Variants in ARSB observed in about 807,000 individuals in gnomAD.
The protein encoded by ARSB is arylsulfatase B, also known as N-acetylgalactosamine-4-sulfatase.
A neutral mutation model predicts 50.9 loss-of-function variants in ARSB; 41 were observed. The observed-to-expected ratio is 0.81, with a 90% confidence interval of 0.63 to 1.04. ARSB has a LOEUF of 1.04. Ranked by LOEUF, ARSB falls within the 50% of genes least tolerant of loss-of-function variation. The probability of loss-of-function intolerance (pLI) is 0.00; values close to 1 mark genes in which losing one functional copy is unlikely to be tolerated. For missense variants in ARSB, 672 were observed against 693.3 expected (o/e 0.97, Z 0.35); for synonymous variants, 269 against 284.8 (o/e 0.94, Z 0.56).
At chr5:78,858,427 T>C (rs1746263714) in intron 5 of ARSB, among the ~76,000 whole-genome samples, 1 of 152,168 alleles carries the variant, frequency 6.6e-6, no homozygotes, top group Non-Finnish European at 1.5e-5. Context: ...CAGTTTCCAA[T>C]ATGCTATAAA....
At chr5:78,809,708 C>T (rs1743736080) in intron 6 of ARSB, among the ~76,000 whole-genome samples, 1 of 152,276 alleles carries the variant, frequency 6.6e-6, no homozygotes, top group Non-Finnish European at 1.5e-5. Flanking sequence ...CTGCCAGTCA[C>T]GCTTCACTCC....
In ARSB at chr5:78,839,212, G is replaced by A. The variant is rs767325352; in HGVS notation, c.1213+144C>T. ...TTCACAGCACACTGCCCTCTGAGAT[G>A]AGCGGGAGATATGTCCCGAAGAACT... On this transcript the variant is annotated intron_variant, in intron 6 of 7. Coordinates refer to ENST00000264914, the MANE Select transcript of ARSB (RefSeq NM_000046.5). The A allele has an allele frequency of 2.0e-5, 15 of 750,714 alleles. No homozygotes were observed. The East Asian group carries it at 2.5e-4, about 12-fold the overall frequency. The allele number at this position is 750,714 out of a possible 1,614,324, so 46.5% of individuals were successfully genotyped here.
chr5:78,889,297 G>T (rs934807566), intron 4 of ARSB, among the ~76,000 whole-genome samples: 4 of 152,128 alleles, frequency 2.6e-5, no homozygotes, highest in African/African-American at 9.7e-5. Flanking sequence ...AATTTAAAAA[G>T]ACAATGGAAC....
chr5:78,938,209 G>T (rs984549539), intron 4 of ARSB, among the ~76,000 whole-genome samples: 2 of 152,188 alleles, frequency 1.3e-5, no homozygotes, highest in Non-Finnish European at 2.9e-5. Context: ...TTGTAACTCA[G>T]CCAGGGACAC....
intron 5 of ARSB, among the ~76,000 whole-genome samples, chr5:78,845,475 A>G (rs992876939): frequency 6.6e-6 from 1 of 152,074 alleles, no homozygotes; most frequent in Admixed American, 6.6e-5. Flanking sequence ...CAATGGCTAG[A>G]CTAATTTGCA....
chr5:78,872,208 A>G (rs952140220), intron 5 of ARSB, among the ~76,000 whole-genome samples: 45 of 150,722 alleles, frequency 3.0e-4, no homozygotes, highest in African/African-American at 1.0e-3. Context: ...ACACTTTTAC[A>G]CTGTTGGTGG....
intron 4 of ARSB, among the ~76,000 whole-genome samples, chr5:78,898,005 C>T (rs1442775170): frequency 1.3e-5 from 2 of 152,074 alleles, no homozygotes; most frequent in African/African-American, 4.8e-5. Context: ...CGGTGGCTGA[C>T]GCCTGTAATC....
intron 4 of ARSB, among the ~76,000 whole-genome samples, chr5:78,920,655 C>T (rs1331960711): frequency 7.3e-6 from 1 of 136,630 alleles, no homozygotes; most frequent in Non-Finnish European, 1.6e-5. Context: ...GGTGAGCATC[C>T]CTCGGCACCT....
chr5:78,955,111 G>A (rs1194111544), intron 4 of ARSB, among the ~76,000 whole-genome samples, 184 bp downstream of exon 4: 1 of 152,204 alleles, frequency 6.6e-6, no homozygotes, highest in Non-Finnish European at 1.5e-5. Context: ...GAGGGAACGG[G>A]GGAAGCCCAT....
At chr5:78,985,451 G>A (rs1285359086), upstream of ARSB, 5 of 389,372 alleles carry the variant, frequency 1.3e-5, no homozygotes, top group African/African-American at 2.1e-5. Flanking sequence ...AGGAGCCAGA[G>A]ACGAACCCGC....
At position 78,969,403 on chromosome 5, in the gene ARSB, A is replaced by G. The variant is rs1362072237; in HGVS notation, c.313-211T>C. On this transcript the variant is annotated intron_variant, in intron 1 of 7. Transcript: ENST00000264914. ...CAGGATTTGAAAGACAAATAAAACCATTCCAACGAACAGATATTTTCAATA... is the reference window on the plus strand; with the variant it reads ...CAGGATTTGAAAGACAAATAAAACCGTTCCAACGAACAGATATTTTCAATA... Among the ~76,000 whole-genome samples, 4 of 152,186 alleles carry G rather than the reference A, an allele frequency of 2.6e-5. No homozygotes were observed. In the East Asian group the frequency reaches 7.7e-4, roughly 29 times the overall value.
chr5:78,850,974 C>A (rs1172472503), intron 5 of ARSB, among the ~76,000 whole-genome samples: 1 of 152,044 alleles, frequency 6.6e-6, no homozygotes, highest in African/African-American at 2.4e-5. Context: ...GTCTTGCTAG[C>A]GGTCTATCAA....
chr5:78,909,903 T>C (rs1431988083), intron 4 of ARSB, among the ~76,000 whole-genome samples: 1 of 152,166 alleles, frequency 6.6e-6, no homozygotes, highest in Non-Finnish European at 1.5e-5. Context: ...TAAAACCCGA[T>C]TGTACATTTG....
chr5:78,882,523 T>C (rs1386112909), intron 5 of ARSB, among the ~76,000 whole-genome samples: 1 of 152,164 alleles, frequency 6.6e-6, no homozygotes, highest in Non-Finnish European at 1.5e-5. Context: ...AAAGAGCTCA[T>C]TTCAGAGCTA....
intron 4 of ARSB, among the ~76,000 whole-genome samples, chr5:78,943,417 A>G (rs1469748221): frequency 1.4e-4 from 21 of 152,166 alleles, no homozygotes; most frequent in Non-Finnish European, 8.8e-5. Context: ...GGCTGGTATC[A>G]GTTGTTCCTT....
At chr5:78,858,983 T>C (rs1054699087) in intron 5 of ARSB, among the ~76,000 whole-genome samples, 3 of 152,264 alleles carry the variant, frequency 2.0e-5, no homozygotes, top group South Asian at 2.1e-4. Context: ...TGCTTAAAGA[T>C]TGCACAAGTA....
At chr5:78,783,983 T>C (rs145550236) in intron 6 of ARSB, among the ~76,000 whole-genome samples, 92 of 152,030 alleles carry the variant, frequency 6.1e-4, no homozygotes, top group Non-Finnish European at 1.1e-3. Flanking sequence ...GATGTTAACA[T>C]TTTACCATGT....
At position 78,920,547 on chromosome 5, in the gene ARSB, G is replaced by A. The variant is rs938662152; in HGVS notation, c.899-34720C>T. Among the ~76,000 whole-genome samples, 23 of 152,136 alleles carry A rather than the reference G, an allele frequency of 1.5e-4. 1 individual carries two copies. The highest frequency in any genetic ancestry group is 5.6e-4 in the African/African-American group (23 of 41,414). ...TTAGGTCTTAGTGGTCCTCTACCCTGCTAGCCACAGGCCATACCTGCGGCG... is the reference window on the plus strand; with the variant it reads ...TTAGGTCTTAGTGGTCCTCTACCCTACTAGCCACAGGCCATACCTGCGGCG... On this transcript the variant is annotated intron_variant, in intron 4 of 7. Coordinates refer to ENST00000264914, the MANE Select transcript of ARSB (RefSeq NM_000046.5).
At chr5:78,829,976 A>G (rs1744598683) in intron 6 of ARSB, among the ~76,000 whole-genome samples, 1 of 152,158 alleles carries the variant, frequency 6.6e-6, no homozygotes, top group Non-Finnish European at 1.5e-5. Context: ...ACACCACCAA[A>G]TCTTTACCAG....
Sources: allele counts gnomAD v4.1 joint callset (sites outside exome capture counted in the v4.1 genomes callset), GRCh38; gene constraint gnomAD v4.1.1; transcripts MANE v1.5; gene names NCBI Gene and HGNC (gene_info 2026-07-23, HGNC 2026-07-21).